Variants in DPF3 observed in about 807,000 individuals in gnomAD.
DPF3 encodes double PHD fingers 3, also known as zinc finger protein DPF3.
DPF3 carries 18 observed loss-of-function variants against 56.8 expected under a neutral mutation model. The observed-to-expected ratio is 0.32, with a 90% confidence interval of 0.22 to 0.47. The LOEUF is 0.47. Ranked by LOEUF, DPF3 falls within the 20% of genes least tolerant of loss-of-function variation. DPF3 has a pLI of 1.00. For synonymous variants in DPF3, 188 were observed against 180.2 expected (o/e 1.04, Z -0.35); for missense variants, 403 against 488.8 (o/e 0.82, Z 1.65).
chr14:72,828,972 C>T (rs73304157), intron 1 of DPF3, among the ~76,000 whole-genome samples: 2,260 of 152,276 alleles, frequency 0.015, 56 homozygotes, highest in African/African-American at 0.052. Flanking sequence ...ATAGAAACAG[C>T]CTTCTCACTT....
At chr14:72,700,851 A>AC (rs1888127792) in intron 6 of DPF3, among the ~76,000 whole-genome samples, 1 of 152,186 alleles carries the variant, frequency 6.6e-6, no homozygotes, top group South Asian at 2.1e-4. Flanking sequence ...TGTATTTAAA[A>AC]CAAAGCCCAG....
chr14:72,830,063 TAAC>T (rs1005499382), intron 1 of DPF3, among the ~76,000 whole-genome samples: 26 of 152,338 alleles, frequency 1.7e-4, no homozygotes, highest in African/African-American at 5.3e-4. Context: ...AAGATATTTC[TAAC>T]AACAACAACA....
Position 72,693,181 on chromosome 14 carries a change from G to A in DPF3, c.637C>T (p.Leu213Phe), listed in dbSNP as rs2153573048. Residue 213 changes from leucine to phenylalanine, a missense_variant, in exon 7 of 11, where the codon CTC becomes TTC. Transcript: ENST00000556509. ...CGKRYKNRPGLSYHYAHTHLA... is the reference protein window; with the variant it reads ...CGKRYKNRPGFSYHYAHTHLA... Reference sequence around the variant, plus strand: ...TGAGTGTGAGCATAGTGGTAGCTGAGCCCCGGTCGGTTCTTGTAGCGCTTG... The same window carrying A: ...TGAGTGTGAGCATAGTGGTAGCTGAACCCCGGTCGGTTCTTGTAGCGCTTG... The A allele has an allele frequency of 6.2e-7, 1 of 1,613,958 alleles. No individual in the cohort carries two copies. The highest frequency in any genetic ancestry group is 1.1e-5 in the South Asian group (1 of 91,066).
At chr14:72,729,046 G>A (rs552075693) in intron 4 of DPF3, among the ~76,000 whole-genome samples, 8 of 151,944 alleles carry the variant, frequency 5.3e-5, no homozygotes, top group East Asian at 3.9e-4. Context: ...TCAGGAGTTC[G>A]AGACCAGCCT....
intron 6 of DPF3, among the ~76,000 whole-genome samples, chr14:72,705,502 C>T (rs1051614719): frequency 6.6e-6 from 1 of 152,086 alleles, no homozygotes; most frequent in Admixed American, 6.5e-5. Flanking sequence ...ACCTGCCCTC[C>T]GCCCCTGGTC....
At chr14:72,805,051 G>GAC (rs138162317) in intron 1 of DPF3, among the ~76,000 whole-genome samples, 11,288 of 146,456 alleles carry the variant, frequency 0.077, 657 homozygotes, top group South Asian at 0.22. Context: ...CACAGCCCTG[G>GAC]ACACACACAC....
chr14:72,885,898 G>A (rs1886526847), intron 1 of DPF3, among the ~76,000 whole-genome samples: 1 of 152,204 alleles, frequency 6.6e-6, no homozygotes, highest in African/African-American at 2.4e-5. Flanking sequence ...CAACATGGAT[G>A]AACAAACATT....
chr14:72,679,450 C>G (rs575687188), intron 7 of DPF3: 1 of 152,810 alleles, frequency 6.5e-6, no homozygotes, highest in South Asian at 2.0e-4. Flanking sequence ...CCACCCACCA[C>G]CCAGCCCCAG....
At chr14:72,789,456 G>C (rs1892340959) in intron 1 of DPF3, among the ~76,000 whole-genome samples, 1 of 152,312 alleles carries the variant, frequency 6.6e-6, no homozygotes, top group Admixed American at 6.5e-5. Context: ...GGAGAGGTTT[G>C]CTGACTGATT....
intron 1 of DPF3, among the ~76,000 whole-genome samples, chr14:72,774,308 A>G (rs1891669501): frequency 7.2e-6 from 1 of 139,222 alleles, no homozygotes; most frequent in Non-Finnish European, 1.5e-5. Flanking sequence ...CAGTTCTTTT[A>G]GGTATATACT....
intron 1 of DPF3, among the ~76,000 whole-genome samples, chr14:72,813,466 A>T (rs560422348): frequency 1.8e-3 from 268 of 152,342 alleles, no homozygotes; most frequent in Non-Finnish European, 2.0e-3. Flanking sequence ...CCACGCAGCC[A>T]GTCAGCCACT....
At chr14:72,813,710 C>T (rs7152005) in intron 1 of DPF3, among the ~76,000 whole-genome samples, 39,386 of 152,142 alleles carry the variant, frequency 0.26, 5,375 homozygotes, top group Middle Eastern at 0.45. Flanking sequence ...CCAGGCAGGG[C>T]ACTTAACCTT....
intron 8 of DPF3, chr14:72,662,732 AGAGGAG>A (rs531790961): frequency 6.0e-6 from 6 of 993,134 alleles, no homozygotes; most frequent in Middle Eastern, 3.7e-4. Flanking sequence ...AAGAGGAAGA[AGAGGAG>A]GAGGAGGAGG....
chr14:72,783,442 G>T (rs769828791), intron 1 of DPF3, among the ~76,000 whole-genome samples: 1 of 152,112 alleles, frequency 6.6e-6, no homozygotes, highest in African/African-American at 2.4e-5. Flanking sequence ...GAATGATACC[G>T]AATCCTGGCC....
At chr14:72,662,755 C>T (rs539928403) in intron 8 of DPF3, 2 of 993,390 alleles carry the variant, frequency 2.0e-6, no homozygotes, top group Admixed American at 5.8e-5. Flanking sequence ...GAGGAGGTGC[C>T]AATCATCCTG....
chr14:72,711,656 T>C (rs1280224401), intron 6 of DPF3, among the ~76,000 whole-genome samples: 1 of 152,004 alleles, frequency 6.6e-6, no homozygotes, highest in Admixed American at 6.5e-5. Flanking sequence ...CAAGAATATA[T>C]GGGATGTTCA....
intron 9 of DPF3, among the ~76,000 whole-genome samples, chr14:72,622,850 C>T (rs1311724584): frequency 6.6e-6 from 1 of 152,172 alleles, no homozygotes; most frequent in Non-Finnish European, 1.5e-5. Context: ...CCAACAACCT[C>T]ACCCCCTGAC....
In DPF3 at chr14:72,785,978, C is replaced by G. The variant is rs905022431; in HGVS notation, c.33-14085G>C. ...TTTTATTGCAAAGGAAATCAATAAC[C>G]AGGCCAGGTGCAGTGGCTCACGCCT... is the stretch of plus-strand genomic sequence containing the variant. On this transcript the variant is annotated intron_variant, in intron 1 of 10. Transcript: ENST00000556509. Among the ~76,000 whole-genome samples, 16 of 152,156 alleles carry G rather than the reference C, an allele frequency of 1.1e-4. 1 individual carries two copies. Among genetic ancestry groups the G allele is most frequent in the Admixed American group, 1.0e-3 (16 of 15,276 alleles).
chr14:72,648,532 C>A, intron 8 of DPF3, among the ~76,000 whole-genome samples: 1 of 147,638 alleles, frequency 6.8e-6, no homozygotes. Context: ...CTGCACACTC[C>A]AGCCTGGGTG....
Sources: allele counts gnomAD v4.1 joint callset (sites outside exome capture counted in the v4.1 genomes callset), GRCh38; gene constraint gnomAD v4.1.1; transcripts MANE v1.5; gene names NCBI Gene and HGNC (gene_info 2026-07-23, HGNC 2026-07-21).